THSD4: variants seen among roughly 807,000 people sequenced by gnomAD.
THSD4 encodes thrombospondin type 1 domain containing 4, also known as thrombospondin type-1 domain-containing protein 4.
In THSD4, 69 loss-of-function variants were observed where a neutral mutation model predicts 119.0. The ratio of observed to expected loss-of-function variants is 0.58; its 90% confidence interval spans 0.48 to 0.71. The LOEUF is 0.71. Among genes scored for constraint, THSD4 ranks in the 30% least tolerant of loss-of-function variants. The pLI is 0.00. For synonymous variants in THSD4, 524 were observed against 540.4 expected, an observed-to-expected ratio of 0.97 and a Z score of 0.42; for missense variants, 1,393 against 1,391.1, an observed-to-expected ratio of 1.00 and a Z score of -0.02.
At chr15:71,704,070 A>G (rs576781578) in intron 8 of THSD4, among the ~76,000 whole-genome samples, 114 of 152,122 alleles carry the variant, frequency 7.5e-4, no homozygotes, top group African/African-American at 2.5e-3. Flanking sequence ...GAATGGTCTC[A>G]ATCTCCTGAC....
Position 71,682,655 on chromosome 15 carries a change from T to C in THSD4, c.1357+21921T>C, listed in dbSNP as rs149007031. ...AGAAGGTAGATTTCTTCCTAATGTT[T>C]AGCCAATTTTACAAACCAATTTGTT... On this transcript the variant is annotated intron_variant, in intron 8 of 17. Coordinates refer to ENST00000261862, the MANE Select transcript of THSD4 (RefSeq NM_024817.3). Among the ~76,000 whole-genome samples the C allele has an allele frequency of 8.7e-3, 1,330 of 152,178 alleles. 7 individuals are homozygous for C. The highest frequency in any genetic ancestry group is 0.012 in the Non-Finnish European group (837 of 67,988).
chr15:71,288,466 G>A (rs12904486), intron 6 of THSD4, among the ~76,000 whole-genome samples: 7 of 152,064 alleles, frequency 4.6e-5, no homozygotes, highest in African/African-American at 1.7e-4. Flanking sequence ...GCTCAGAGGT[G>A]TCTAATGAGC....
intron 6 of THSD4, among the ~76,000 whole-genome samples, chr15:71,324,908 C>T (rs2045319868): frequency 6.6e-6 from 1 of 152,160 alleles, no homozygotes; most frequent in South Asian, 2.1e-4. Context: ...AGAGGTTGTA[C>T]TAATTTACAT....
At chr15:71,198,178 G>C (rs1383576241) in intron 3 of THSD4, among the ~76,000 whole-genome samples, 1 of 152,206 alleles carries the variant, frequency 6.6e-6, no homozygotes, top group Admixed American at 6.5e-5. Flanking sequence ...GGAGGATTGC[G>C]TGAGCCCAGG....
chr15:71,428,197 G>A (rs1457091615), intron 7 of THSD4, among the ~76,000 whole-genome samples: 1 of 152,128 alleles, frequency 6.6e-6, no homozygotes, highest in Non-Finnish European at 1.5e-5. Flanking sequence ...ATCTGTTATG[G>A]TATATATACA....
In THSD4 at chr15:71,199,272, A is replaced by G. The variant is rs183035036; in HGVS notation, c.100-15763A>G. ...AGTTTCCGTCCCCTTCCTCCTTTCAATTGCGATGGCCATGCTCTGGGGACT... is the reference window on the plus strand; with the variant it reads ...AGTTTCCGTCCCCTTCCTCCTTTCAGTTGCGATGGCCATGCTCTGGGGACT... On this transcript the variant is annotated intron_variant, in intron 3 of 17. Coordinates refer to ENST00000261862, the MANE Select transcript of THSD4 (RefSeq NM_024817.3). Among the ~76,000 whole-genome samples, 4 of 152,116 alleles carry G rather than the reference A, an allele frequency of 2.6e-5. 1 individual carries two copies. Among genetic ancestry groups the G allele is most frequent in the South Asian group, 4.2e-4 (2 of 4,808 alleles).
chr15:71,648,407 G>A (rs1481307948), intron 7 of THSD4, among the ~76,000 whole-genome samples: 1 of 152,110 alleles, frequency 6.6e-6, no homozygotes, highest in Non-Finnish European at 1.5e-5. Context: ...GCTCCATCCA[G>A]CAGTCTCCCT....
intron 3 of THSD4, among the ~76,000 whole-genome samples, chr15:71,211,983 T>C (rs2043891457): frequency 1.3e-5 from 2 of 152,200 alleles, no homozygotes; most frequent in Admixed American, 1.3e-4. Context: ...TTGTCCCATC[T>C]TGCATCTTGC....
At chr15:71,763,051 A>G (rs888565014) in intron 15 of THSD4, among the ~76,000 whole-genome samples, 2 of 152,160 alleles carry the variant, frequency 1.3e-5, no homozygotes, top group Non-Finnish European at 2.9e-5. Flanking sequence ...AGCCTGGGCA[A>G]CAGAGCAAGA....
chr15:71,392,701 CAGAG>C (rs1274911243), intron 6 of THSD4, among the ~76,000 whole-genome samples: 1 of 152,206 alleles, frequency 6.6e-6, no homozygotes, highest in Non-Finnish European at 1.5e-5. Flanking sequence ...CTCTGTGTCT[CAGAG>C]AGCTTGAGAG....
chr15:71,527,370 T>C (rs976907517), intron 7 of THSD4, among the ~76,000 whole-genome samples: 1 of 152,168 alleles, frequency 6.6e-6, no homozygotes, highest in South Asian at 2.1e-4. Context: ...CAAAAAGGCT[T>C]GTGGTCAGGG....
At chr15:71,368,603 G>C (rs1359068257) in intron 6 of THSD4, among the ~76,000 whole-genome samples, 1 of 152,128 alleles carries the variant, frequency 6.6e-6, no homozygotes, top group Non-Finnish European at 1.5e-5. Flanking sequence ...GTAGGTGTGT[G>C]GTATTATTTC....
Position 71,469,608 on chromosome 15 carries a change from G to T in THSD4, c.1152+57785G>T, listed in dbSNP as rs1336858328. Among the ~76,000 whole-genome samples the T allele has an allele frequency of 2.0e-5, 3 of 152,146 alleles. No individual in the cohort carries two copies. In the East Asian group the frequency reaches 5.8e-4, roughly 29 times the overall value. On this transcript the variant is annotated intron_variant, in intron 7 of 17. Coordinates refer to ENST00000261862, the MANE Select transcript of THSD4 (RefSeq NM_024817.3). ...TTTATCTACTAAGCAGCACCCACAT[G>T]AATACATTTAGCCGGATATGTGTTC...
rs760238925 is a variant in THSD4, at chr15:71,411,787, G to C, written c.1116G>C (p.Gln372His). 1 of 1,614,134 alleles carries C rather than the reference G, an allele frequency of 6.2e-7. No homozygotes were observed. Among genetic ancestry groups the C allele is most frequent in the East Asian group, 2.2e-5 (1 of 44,872 alleles). ...TCATCGATGGCACCCCCTGTGACCA[G>C]AACGGCACGGCCATCTGTGTGTCTG... ...EKVIDGTPCDQNGTAICVSGQ... is the reference protein window; with the variant it reads ...EKVIDGTPCDHNGTAICVSGQ... The change falls in exon 7 of 18, where the codon CAG (glutamine) becomes CAC (histidine). Residue 372 changes from glutamine (Q) to histidine (H), a missense_variant. Physicochemically the swap from Gln to His is conservative, Grantham distance 24 (BLOSUM62 0). Coordinates refer to ENST00000261862, the MANE Select transcript of THSD4 (RefSeq NM_024817.3).
chr15:71,655,559 T>G (rs2051174084), intron 7 of THSD4, among the ~76,000 whole-genome samples: 1 of 152,202 alleles, frequency 6.6e-6, no homozygotes, highest in Non-Finnish European at 1.5e-5. Flanking sequence ...GCCACCATAT[T>G]GCAGAATTCT....
intron 3 of THSD4, among the ~76,000 whole-genome samples, chr15:71,172,704 T>TATATATATATATATATATATATGTGAC (rs2043389028): frequency 1.9e-5 from 2 of 107,714 alleles, no homozygotes; most frequent in African/African-American, 9.1e-5. Flanking sequence ...TATATATATA[T>TATATATATATATATATATATATGTGAC]ATATATATAT....
intron 7 of THSD4, among the ~76,000 whole-genome samples, chr15:71,602,711 G>C (rs998241292): frequency 2.6e-5 from 4 of 152,196 alleles, no homozygotes; most frequent in African/African-American, 9.6e-5. Context: ...GCTGCCAGGG[G>C]CTGGGAGTAG....
intron 7 of THSD4, among the ~76,000 whole-genome samples, chr15:71,472,098 G>T (rs1013495022): frequency 1.3e-4 from 20 of 152,022 alleles, no homozygotes. Flanking sequence ...AAAGCTTTTT[G>T]TAGAGACAGG....
At chr15:71,118,535 C>T (rs2141351050) in intron 1 of THSD4, among the ~76,000 whole-genome samples, 1 of 152,270 alleles carries the variant, frequency 6.6e-6, no homozygotes, top group Middle Eastern at 3.4e-3. Flanking sequence ...CCTTGGGCCT[C>T]TCCAGGTCAT....
Sources: gnomAD v4.1 joint callset for allele counts (sites outside exome capture counted in the v4.1 genomes callset) on GRCh38, gnomAD v4.1.1 for gene constraint, MANE v1.5 for transcripts, NCBI Gene and HGNC (gene_info 2026-07-23, HGNC 2026-07-21) for gene names.